BEND3: variants seen among roughly 807,000 people sequenced by gnomAD.
The protein encoded by BEND3 is BEN domain-containing protein 3.
BEND3 carries 13 observed loss-of-function variants against 60.1 expected under a neutral mutation model. That is an observed-to-expected ratio of 0.22 (90% confidence interval 0.14 to 0.34). The LOEUF (loss-of-function observed/expected upper bound fraction) is 0.34, where lower values mean the gene tolerates loss of function less well. BEND3 is among the 10% of genes least tolerant of loss of function. The probability of loss-of-function intolerance (pLI) is 1.00; values close to 1 mark genes in which losing one functional copy is unlikely to be tolerated. For synonymous variants in BEND3, 497 were observed against 491.5 expected (o/e 1.01, Z -0.15); for missense variants, 896 against 1,138.1 (o/e 0.79, Z 3.06).
At chr6:107,075,751 A>G (rs1775087711) in intron 3 of BEND3, among the ~76,000 whole-genome samples, 1 of 152,236 alleles carries the variant, frequency 6.6e-6, no homozygotes, top group African/African-American at 2.4e-5. Context: ...GCATGCAACA[A>G]GAGTACATGT....
At chr6:107,085,041 G>A (rs562972694) in intron 3 of BEND3, among the ~76,000 whole-genome samples, 5 of 152,250 alleles carry the variant, frequency 3.3e-5, no homozygotes, top group Admixed American at 6.5e-5. Flanking sequence ...CACTCATCAC[G>A]ACGGTCTGCG....
chr6:107,113,558 T>C (rs1770173047), intron 1 of BEND3, among the ~76,000 whole-genome samples: 1 of 151,346 alleles, frequency 6.6e-6, no homozygotes, highest in African/African-American at 2.4e-5. Context: ...TCTGGCTCCA[T>C]CTTTCCTCTA....
chr6:107,114,760 G>C (rs1337594422), intron 1 of BEND3, among the ~76,000 whole-genome samples: 2 of 146,050 alleles, frequency 1.4e-5, no homozygotes, highest in Non-Finnish European at 3.0e-5. Context: ...GGCGCGGACG[G>C]TTCCACCGCG....
chr6:107,097,815 A>AAC (rs1775619588), intron 3 of BEND3, among the ~76,000 whole-genome samples: 1 of 148,134 alleles, frequency 6.8e-6, no homozygotes, highest in Admixed American at 6.7e-5. Flanking sequence ...AAAAAAAAAA[A>AAC]CCCCAACAAA....
intron 3 of BEND3, among the ~76,000 whole-genome samples, chr6:107,093,456 G>A (rs1374808457): frequency 2.7e-5 from 4 of 148,320 alleles, no homozygotes; most frequent in Non-Finnish European, 4.5e-5. Flanking sequence ...GCGAGACTCC[G>A]TCTCAAAAAA....
At chr6:107,076,897 A>C (rs782495576) in intron 3 of BEND3, among the ~76,000 whole-genome samples, 23 of 151,822 alleles carry the variant, frequency 1.5e-4, no homozygotes, top group Non-Finnish European at 2.9e-4. Context: ...CAGTGATGTG[A>C]TCTTGGCTCA....
Position 107,115,257 on chromosome 6 carries a change from CCTCT to C in BEND3, c.-183_-180del, listed in dbSNP as rs1448006170. On this transcript the variant is annotated 5_prime_UTR_variant, in exon 1 of 4. It introduces an in-frame stop codon into an upstream open reading frame of the 5' UTR. Transcript: ENST00000369042. ...GGCGGGCGAGCGCCGTGTATTTTCCCCTCTCTTTGTGTGTGTCCGTGCGCTGCGC... is the reference window on the plus strand; with the variant it reads ...GGCGGGCGAGCGCCGTGTATTTTCCCCTTTGTGTGTGTCCGTGCGCTGCGC... The C allele has an allele frequency of 6.7e-6, 1 of 149,842 alleles. No homozygotes were observed. The highest frequency in any genetic ancestry group is 2.4e-5 in the African/African-American group (1 of 41,048). 9.3% of individuals were successfully genotyped at this position (149,842 alleles called of 1,614,324 possible).
chr6:107,105,776 T>A (rs1221593136), intron 1 of BEND3, among the ~76,000 whole-genome samples: 2 of 152,230 alleles, frequency 1.3e-5, no homozygotes, highest in African/African-American at 2.4e-5. Context: ...CTCGCCACTG[T>A]GCTGAGGTGC....
intron 1 of BEND3, among the ~76,000 whole-genome samples, chr6:107,112,567 A>T (rs1363103324): frequency 2.0e-5 from 3 of 152,124 alleles, no homozygotes; most frequent in African/African-American, 7.2e-5. Context: ...AACAACAAAA[A>T]AAAACGCTGG....
chr6:107,080,354 C>CAAAAAAAAAAAAAA (rs11402351), intron 3 of BEND3, among the ~76,000 whole-genome samples: 1 of 83,268 alleles, frequency 1.2e-5, no homozygotes, highest in African/African-American at 4.7e-5. Context: ...GATCCCATCT[C>CAAAAAAAAAAAAAA]AAAAAAAAAA....
intron 3 of BEND3, among the ~76,000 whole-genome samples, chr6:107,097,636 C>A (rs577240532): frequency 6.6e-5 from 10 of 150,436 alleles, no homozygotes; most frequent in African/African-American, 2.4e-4. Flanking sequence ...ACTAAAAATA[C>A]AAAATTAGCT....
intron 1 of BEND3, among the ~76,000 whole-genome samples, chr6:107,100,923 C>T (rs1402355743): frequency 4.6e-5 from 7 of 151,970 alleles, no homozygotes; most frequent in Non-Finnish European, 7.4e-5. Context: ...AATTTCTGGC[C>T]GGGAATGGTG....
At chr6:107,072,402 G>A (rs1397552196) in intron 3 of BEND3, among the ~76,000 whole-genome samples, 1 of 152,200 alleles carries the variant, frequency 6.6e-6, no homozygotes, top group Non-Finnish European at 1.5e-5. Context: ...TCTCTGAGTA[G>A]CCAGGGCTTG....
chr6:107,106,840 T>G (rs1360143152), intron 1 of BEND3, among the ~76,000 whole-genome samples: 1 of 152,056 alleles, frequency 6.6e-6, no homozygotes, highest in African/African-American at 2.4e-5. Flanking sequence ...ACTCCGGGCT[T>G]CCAGCAACCC....
Position 107,065,757 on chromosome 6 carries a change from T to A in BEND3, c.*2947A>T, listed in dbSNP as rs1004975619. ...CTATTCACCACTAAGTAGATCCCAT[T>A]GGTTGGTTGGTTGATGATTGCTGCT... On this transcript the variant is annotated 3_prime_UTR_variant, in exon 4 of 4. Coordinates refer to ENST00000369042, the MANE Select transcript of BEND3 (RefSeq NM_001367314.1). 1.3e-5 allele frequency: 2 copies of A among 152,154 alleles called. No homozygotes were observed. The highest frequency in any genetic ancestry group is 1.3e-4 in the Admixed American group (2 of 15,258). The allele number at this position is 152,154 out of a possible 1,614,324, so 9.4% of individuals were successfully genotyped here. A position where few individuals can be genotyped will look rare whatever the true frequency, so the allele number is the denominator to read the frequency against.
intron 3 of BEND3, among the ~76,000 whole-genome samples, chr6:107,072,352 T>A (rs369670479): frequency 8.7e-4 from 133 of 152,326 alleles, no homozygotes; most frequent in African/African-American, 2.8e-3. Flanking sequence ...TGGGCCTGCA[T>A]CTCTAATAAG....
chr6:107,074,187 G>A (rs540892397), intron 3 of BEND3, among the ~76,000 whole-genome samples: 273 of 152,262 alleles, frequency 1.8e-3, no homozygotes, highest in Non-Finnish European at 2.9e-3. Context: ...AGGCCGAGGC[G>A]GGTGGATCAC....
chr6:107,090,332 G>A (rs1215391712), intron 3 of BEND3, among the ~76,000 whole-genome samples: 1 of 152,126 alleles, frequency 6.6e-6, no homozygotes, highest in Non-Finnish European at 1.5e-5. Context: ...CTGGACGACA[G>A]AGCAAGACTC....
rs1554231702 is a variant in BEND3 at position 107,070,114 on chromosome 6, C to T, written c.1077G>A (p.Glu359=). ...QPSGQVASFF[E]AEQVDPGHFL... is the part of the protein sequence containing the mutation. ...AGTGGCCGGGGTCCACCTGCTCTGC[C>T]TCAAAGAAGCTGGCGACCTGGCCGC... Residue 359 remains glutamate, a synonymous_variant, in exon 4 of 4, where the codon GAG becomes GAA. Transcript: ENST00000369042. This position sits in a 1 kb window ranked among gnomAD's most constrained non-coding sequence, Gnocchi z 6.9. 33 of 1,613,198 alleles carry T rather than the reference C, an allele frequency of 2.0e-5. No homozygotes were observed. The highest frequency in any genetic ancestry group is 2.4e-5 in the Non-Finnish European group (28 of 1,180,028).
Sources: allele counts gnomAD v4.1 joint callset (sites outside exome capture counted in the v4.1 genomes callset), GRCh38; gene constraint gnomAD v4.1.1; non-coding constraint Gnocchi (gnomAD v3.1); transcripts MANE v1.5; gene names NCBI Gene and HGNC (gene_info 2026-07-23, HGNC 2026-07-21).